Variants in RNASEL observed in about 807,000 individuals in gnomAD.
RNASEL encodes the protein ribonuclease L, also known as 2-5A-dependent ribonuclease.
In RNASEL, 36 loss-of-function variants were observed where a neutral mutation model predicts 50.9. The observed-to-expected ratio is 0.71, with a 90% CI of 0.54 to 0.93. The LOEUF is 0.93. Among genes scored for constraint, RNASEL ranks in the 40% least tolerant of loss-of-function variants. The pLI is 0.00. For synonymous variants in RNASEL, 335 were observed against 335.6 expected (o/e 1.00, Z 0.02); for missense variants, 860 against 894.5 (o/e 0.96, Z 0.49).
chr1:182,585,942 C>T lies in RNASEL; in HGVS notation c.865G>A (p.Ala289Thr), dbSNP rs35553278. ...GCTCCACGTTTGCACAGCAACTCGG[C>T]GATTTTCTTCAGTTTGAGTTCAACA... Reference protein sequence around the residue: ...LAVELKLKKIAELLCKRGAST... With the variant: ...LAVELKLKKITELLCKRGAST... Residue 289 changes from alanine (A) to threonine (T), a missense_variant, in exon 2 of 7, where the codon GCC (alanine) becomes ACC (threonine). Transcript: ENST00000367559. 27 of 1,614,154 alleles carry T rather than the reference C, an allele frequency of 1.7e-5. No individual in the cohort carries two copies. Among genetic ancestry groups the T allele is most frequent in the Non-Finnish European group, 2.1e-5 (25 of 1,180,016 alleles).
chr1:182,573,830 C>T lies in RNASEL; in HGVS notation c.*1562G>A. The T allele has an allele frequency of 5.3e-6, 1 of 188,982 alleles. No homozygotes were observed. The highest frequency in any genetic ancestry group is 1.1e-5 in the Non-Finnish European group (1 of 89,930). The allele number at this position is 188,982 out of a possible 1,614,324, so 11.7% of individuals were successfully genotyped here. The stretch of plus-strand genomic sequence containing the variant: ...TTTCATTCAGTGGTATCTATTTATC[C>T]ATTGCTAGATACCTCCTTTTCAGAA... On this transcript the variant is annotated 3_prime_UTR_variant, in exon 7 of 7. Transcript: ENST00000367559.
chr1:182,582,678 G>A (rs1313282663), intron 3 of RNASEL, among the ~76,000 whole-genome samples: 1 of 152,154 alleles, frequency 6.6e-6, no homozygotes, highest in Non-Finnish European at 1.5e-5. Flanking sequence ...GCCAGGAGAG[G>A]CAAAGTGATG....
Position 182,585,906 on chromosome 1 carries a change from A to G in RNASEL, c.901T>C (p.Cys301Arg), listed in dbSNP as rs368264864. 6.2e-7 allele frequency: 1 copy of G among 1,613,196 alleles called. No homozygotes were observed. Among genetic ancestry groups the G allele is most frequent in the Non-Finnish European group, 8.5e-7 (1 of 1,179,198 alleles). The change falls in exon 2 of 7, where the codon TGT becomes CGT. Residue 301 changes from cysteine (C) to arginine (R), a missense_variant. Transcript: ENST00000367559. Reference sequence around the variant, plus strand: ...CTCGCTGTCATAACAAGATCCCCACAATCTGTACTGGCTCCACGTTTGCAC... The same window carrying G: ...CTCGCTGTCATAACAAGATCCCCACGATCTGTACTGGCTCCACGTTTGCAC... ...LLCKRGASTDCGDLVMTARRN... is the reference protein window; with the variant it reads ...LLCKRGASTDRGDLVMTARRN...
chr1:182,576,652 A>C, intron 5 of RNASEL: 1 of 335,952 alleles, frequency 3.0e-6, no homozygotes, highest in South Asian at 3.5e-5. Context: ...GGATCACCTG[A>C]GGTCAGGAGA....
Position 182,584,170 on chromosome 1 carries a change from A to T in RNASEL, c.1481-4T>A. The stretch of plus-strand genomic sequence containing the variant: ...AGGTGAGCAGCTTTCTTAGAATCTA[A>T]GGAAAAGTTTGCAGAGGCACATTGA... On this transcript the variant is annotated splice_region_variant and splice_polypyrimidine_tract_variant and intron_variant, in intron 2 of 6. Coordinates refer to ENST00000367559, the MANE Select transcript of RNASEL (RefSeq NM_021133.4). The T allele has an allele frequency of 6.2e-7, 1 of 1,611,846 alleles. No individual in the cohort carries two copies. Among genetic ancestry groups the T allele is most frequent in the South Asian group, 1.1e-5 (1 of 91,038 alleles).
At chr1:182,576,516 A>G in intron 5 of RNASEL, 127 bp from the exon 6 acceptor site, 1 of 730,948 alleles carries the variant, frequency 1.4e-6, no homozygotes, top group South Asian at 1.9e-5. Context: ...CCAACTAATT[A>G]ATAAAGCAAA....
In RNASEL at chr1:182,576,384, A is replaced by G; in HGVS notation, c.1911T>C (p.Asn637=). Residue 637 remains asparagine, a synonymous_variant, in exon 6 of 7, where the codon AAT becomes AAC. Coordinates refer to ENST00000367559, the MANE Select transcript of RNASEL (RefSeq NM_021133.4). The part of the protein sequence containing the change: ...KSFDKWTTKI[N]ECVMKKMNKF... Reference sequence around the variant, plus strand: ...TATTCATTTTTTTCATAACACATTCATTAATCTAAAAAAACAAAAAATAAC... The same window carrying G: ...TATTCATTTTTTTCATAACACATTCGTTAATCTAAAAAAACAAAAAATAAC... 1 of 1,570,894 alleles carries G rather than the reference A, an allele frequency of 6.4e-7. No homozygotes were observed. Among genetic ancestry groups the G allele is most frequent in the South Asian group, 1.1e-5 (1 of 88,552 alleles).
Position 182,585,904 on chromosome 1 carries a change from A to C in RNASEL, c.903T>G (p.Cys301Trp). Reference protein sequence around the residue: ...LLCKRGASTDCGDLVMTARRN... With the variant: ...LLCKRGASTDWGDLVMTARRN... The stretch of plus-strand genomic sequence containing the variant: ...GCCTCGCTGTCATAACAAGATCCCC[A>C]CAATCTGTACTGGCTCCACGTTTGC... The change falls in exon 2 of 7, where the codon TGT becomes TGG. Residue 301 changes from cysteine to tryptophan, a missense_variant. Cys to Trp is a radical substitution (Grantham distance 215, BLOSUM62 -2). Transcript: ENST00000367559. 7 of 1,612,978 alleles carry C rather than the reference A, an allele frequency of 4.3e-6. No homozygotes were observed. The highest frequency in any genetic ancestry group is 5.9e-6 in the Non-Finnish European group (7 of 1,179,022).
In RNASEL at chr1:182,586,255, C is replaced by G. The variant is rs2102371531; in HGVS notation, c.552G>C (p.Leu184Phe). The G allele has an allele frequency of 6.2e-7, 1 of 1,614,222 alleles. No individual in the cohort carries two copies. Among genetic ancestry groups the G allele is most frequent in the East Asian group, 2.2e-5 (1 of 44,884 alleles). ...DAAEKGHVEV[L>F]KILLDEMGAD... ...CCCCCATCTCATCAAGGAGAATCTT[C>G]AAGACCTCTACGTGTCCTTTTTCAG... is the stretch of plus-strand genomic sequence containing the variant. The change falls in exon 2 of 7, where the codon TTG becomes TTC. Residue 184 changes from leucine to phenylalanine, a missense_variant. Coordinates refer to ENST00000367559, the MANE Select transcript of RNASEL (RefSeq NM_021133.4).
chr1:182,576,623 T>C, intron 5 of RNASEL: 1 of 409,076 alleles, frequency 2.4e-6, no homozygotes, highest in Non-Finnish European at 4.4e-6. Flanking sequence ...TCCCAGCACT[T>C]TCAGAGGCCG....
In RNASEL at chr1:182,575,354, C is replaced by T; in HGVS notation, c.*38G>A. On this transcript the variant is annotated 3_prime_UTR_variant, in exon 7 of 7. Transcript: ENST00000367559. ...TTGTGATTTGCCAAGGACTCTACAG[C>T]TAATAAGTAGTTCCCTGAACTCCAG... is the stretch of plus-strand genomic sequence containing the variant. 1.2e-6 allele frequency: 2 copies of T among 1,605,066 alleles called. No individual in the cohort carries two copies. The highest frequency in any genetic ancestry group is 1.7e-6 in the Non-Finnish European group (2 of 1,172,690).
In RNASEL at chr1:182,586,285, G is replaced by C; in HGVS notation, c.522C>G (p.Asp174Glu). Reference protein sequence around the residue: ...LRKGGATALMDAAEKGHVEVL... With the variant: ...LRKGGATALMEAAEKGHVEVL... ...CCTCTACGTGTCCTTTTTCAGCAGC[G>C]TCCATGAGAGCTGTGGCCCCTCCTT... The change falls in exon 2 of 7, where the codon GAC (aspartate) becomes GAG (glutamate). Residue 174 changes from aspartate (D) to glutamate (E), a missense_variant. Coordinates refer to ENST00000367559, the MANE Select transcript of RNASEL (RefSeq NM_021133.4). 7 of 1,614,138 alleles carry C rather than the reference G, an allele frequency of 4.3e-6. No individual in the cohort carries two copies. Among genetic ancestry groups the C allele is most frequent in the Non-Finnish European group, 5.9e-6 (7 of 1,180,014 alleles).
Position 182,582,209 on chromosome 1 carries a change from A to G in RNASEL, c.1616T>C (p.Phe539Ser), listed in dbSNP as rs762441300. 5.6e-6 allele frequency: 9 copies of G among 1,614,208 alleles called. No homozygotes were observed. The South Asian group carries it at 8.8e-5, about 16-fold the overall frequency. The change falls in exon 4 of 7, where the codon TTT becomes TCT. Residue 539 changes from phenylalanine (F) to serine (S), a missense_variant. Transcript: ENST00000367559. ...ATTACTTTGAGCTTTCAGATCCTCA[A>G]ATGAGATGCTTCCCTTCTTTACCAC... is the stretch of plus-strand genomic sequence containing the variant. ...LYVVKKGSIS[F>S]EDLKAQSNEE...
At chr1:182,578,555 G>A (rs1202832273) in intron 5 of RNASEL, 1 of 152,190 alleles carries the variant, frequency 6.6e-6, no homozygotes, top group Non-Finnish European at 1.5e-5. Context: ...ACAGGCTGAA[G>A]CAATTCTCAT....
In RNASEL at chr1:182,581,298, T is replaced by C; in HGVS notation, c.1832A>G (p.Glu611Gly). Residue 611 changes from glutamate to glycine, a missense_variant, in exon 5 of 7, where the codon GAA (glutamate) becomes GGA (glycine). Glu to Gly is a moderately conservative substitution (Grantham distance 98, BLOSUM62 -2). Coordinates refer to ENST00000367559, the MANE Select transcript of RNASEL (RefSeq NM_021133.4). ...TTGCAGTAGTCTGAGGATCTCACTT[T>C]CAGATTTTCGTGTTTTGATGTCGGA... ...NESDIKTRKS[E>G]SEILRLLQPG... The C allele has an allele frequency of 6.2e-7, 1 of 1,614,132 alleles. No individual in the cohort carries two copies. Among genetic ancestry groups the C allele is most frequent in the South Asian group, 1.1e-5 (1 of 91,074 alleles).
At chr1:182,580,172 A>G (rs1464107101) in intron 5 of RNASEL, among the ~76,000 whole-genome samples, 1 of 152,222 alleles carries the variant, frequency 6.6e-6, no homozygotes, top group East Asian at 1.9e-4. Flanking sequence ...CTACAAGTTA[A>G]AATTTTAGCC....
chr1:182,577,866 C>A (rs1661419976), intron 5 of RNASEL, among the ~76,000 whole-genome samples: 1 of 152,088 alleles, frequency 6.6e-6, no homozygotes, highest in Non-Finnish European at 1.5e-5. Flanking sequence ...ACAAAGTCGG[C>A]AAAAACATAC....
intron 5 of RNASEL, 51 bp from the exon 6 acceptor site, chr1:182,576,440 C>A (rs768349018): frequency 2.1e-6 from 3 of 1,426,928 alleles, no homozygotes; most frequent in South Asian, 2.4e-5. Flanking sequence ...CAAAATAAAT[C>A]CTGATGAAAT....
rs1661571994 is a variant in RNASEL at position 182,585,389 on chromosome 1, T to C, written c.1418A>G (p.Gln473Arg). 2 of 1,614,158 alleles carry C rather than the reference T, an allele frequency of 1.2e-6. No individual in the cohort carries two copies. The highest frequency in any genetic ancestry group is 1.7e-6 in the Non-Finnish European group (2 of 1,180,012). The part of the protein sequence containing the change: ...NVLSSIFKAV[Q>R]ELHLSCGYTH... Reference sequence around the variant, plus strand: ...GTATCCACAGGACAAGTGTAGTTCTTGAACAGCCTTAAATATAGATGACAG... The same window carrying C: ...GTATCCACAGGACAAGTGTAGTTCTCGAACAGCCTTAAATATAGATGACAG... Residue 473 changes from glutamine to arginine, a missense_variant, in exon 2 of 7, where the codon CAA becomes CGA. By Grantham distance (43) the Gln-to-Arg change is conservative. Coordinates refer to ENST00000367559, the MANE Select transcript of RNASEL (RefSeq NM_021133.4).
Sources: allele counts gnomAD v4.1 joint callset (sites outside exome capture counted in the v4.1 genomes callset), GRCh38; gene constraint gnomAD v4.1.1; transcripts MANE v1.5; gene names NCBI Gene and HGNC (gene_info 2026-07-23, HGNC 2026-07-21).